L3MBTL4: variants seen among roughly 807,000 people sequenced by gnomAD.
The protein encoded by L3MBTL4 is lethal(3)malignant brain tumor-like protein 4.
Under a neutral mutation model 84.5 loss-of-function variants are expected in L3MBTL4, and 70 were observed. The ratio of observed to expected loss-of-function variants is 0.83; its 90% confidence interval spans 0.68 to 1.01. The LOEUF is 1.01. Among genes scored for constraint, L3MBTL4 ranks in the 50% least tolerant of loss-of-function variants. L3MBTL4 has a pLI of 0.00. For missense variants in L3MBTL4, 715 were observed against 754.8 expected (o/e 0.95, Z 0.62); for synonymous variants, 274 against 259.8 (o/e 1.05, Z -0.52).
rs2046805172 is a variant in L3MBTL4 at position 6,226,858 on chromosome 18, C to T, written c.785-11023G>A. Among the ~76,000 whole-genome samples the T allele has an allele frequency of 4.0e-5, 6 of 151,520 alleles. No individual in the cohort carries two copies. In the South Asian group the frequency reaches 1.2e-3, roughly 32 times the overall value. Reference sequence around the variant, plus strand: ...CCAAAACCATAATGGATAAATAGAACACTAACACCAAGATGAGGGATTTAA... The same window carrying T: ...CCAAAACCATAATGGATAAATAGAATACTAACACCAAGATGAGGGATTTAA... On this transcript the variant is annotated intron_variant, in intron 10 of 18. Transcript: ENST00000317931.
intron 1 of L3MBTL4, among the ~76,000 whole-genome samples, chr18:6,336,987 A>T (rs2052370108): frequency 6.6e-6 from 1 of 152,244 alleles, no homozygotes. Flanking sequence ...CCAAATGGAA[A>T]TTCTAGAACT....
In L3MBTL4 at chr18:6,123,590, T is replaced by C. The variant is rs1017046843; in HGVS notation, c.1199+14604A>G. The stretch of plus-strand genomic sequence containing the variant: ...TGAGGCCTCCCCAGCCATGTGAAAC[T>C]GTGAGTCCATTAAACCTCCTTTTCT... On this transcript the variant is annotated intron_variant, in intron 14 of 18. Coordinates refer to ENST00000317931, the MANE Select transcript of L3MBTL4 (RefSeq NM_001330559.2). Among the ~76,000 whole-genome samples the C allele has an allele frequency of 3.9e-5, 6 of 152,338 alleles. No homozygotes were observed. In the South Asian group the frequency reaches 1.2e-3, roughly 32 times the overall value.
At chr18:6,208,584 C>T (rs992012248) in intron 12 of L3MBTL4, among the ~76,000 whole-genome samples, 1 of 152,174 alleles carries the variant, frequency 6.6e-6, no homozygotes. Flanking sequence ...GTTTTAAGTC[C>T]TTCCTTTATC....
chr18:6,187,397 T>G (rs1424568334), intron 12 of L3MBTL4, among the ~76,000 whole-genome samples: 1 of 152,148 alleles, frequency 6.6e-6, no homozygotes, highest in Non-Finnish European at 1.5e-5. Context: ...TAGATGAAAA[T>G]CTTGGCTCTA....
intron 16 of L3MBTL4, among the ~76,000 whole-genome samples, chr18:6,008,459 C>T (rs748273665): frequency 2.0e-5 from 3 of 152,178 alleles, no homozygotes; most frequent in Non-Finnish European, 2.9e-5. Context: ...GCTTCAACAC[C>T]ACCTGAGGAA....
At chr18:6,076,392 CAG>C (rs779308908) in intron 16 of L3MBTL4, among the ~76,000 whole-genome samples, 14 of 152,196 alleles carry the variant, frequency 9.2e-5, no homozygotes, top group Non-Finnish European at 1.9e-4. Context: ...ATTTTGCAAA[CAG>C]GGCAAAAGTA....
At chr18:6,130,631 T>C (rs1399476236) in intron 14 of L3MBTL4, among the ~76,000 whole-genome samples, 1 of 152,212 alleles carries the variant, frequency 6.6e-6, no homozygotes, top group Non-Finnish European at 1.5e-5. Context: ...ATTACCTGTG[T>C]ATGTTTTATG....
intron 13 of L3MBTL4, among the ~76,000 whole-genome samples, chr18:6,157,448 C>T (rs2043149782): frequency 1.3e-5 from 2 of 152,042 alleles, no homozygotes. Flanking sequence ...TTTCTAATTC[C>T]ACAGAGTTTC....
chr18:6,107,770 C>G (rs899137555), intron 14 of L3MBTL4, among the ~76,000 whole-genome samples: 3 of 152,224 alleles, frequency 2.0e-5, no homozygotes, highest in Admixed American at 6.5e-5. Context: ...TTTGGGGCAC[C>G]ACCAGCAGAT....
At chr18:6,230,216 C>A (rs538711757) in intron 10 of L3MBTL4, among the ~76,000 whole-genome samples, 2 of 151,954 alleles carry the variant, frequency 1.3e-5, no homozygotes, top group Non-Finnish European at 2.9e-5. Flanking sequence ...GGTAGATTTT[C>A]GATCTCTCTC....
intron 16 of L3MBTL4, among the ~76,000 whole-genome samples, chr18:5,976,604 G>A (rs2052945967): frequency 6.6e-6 from 1 of 152,186 alleles, no homozygotes; most frequent in Non-Finnish European, 1.5e-5. Context: ...CAGTCTAGAG[G>A]AGCGGAAGAG....
At chr18:6,087,866 C>T (rs2058309499) in intron 15 of L3MBTL4, among the ~76,000 whole-genome samples, 2 of 152,278 alleles carry the variant, frequency 1.3e-5, no homozygotes, top group South Asian at 4.1e-4. Flanking sequence ...TCTATATCTA[C>T]CTACATCTAT....
chr18:6,201,642 A>G (rs532292970), intron 12 of L3MBTL4, among the ~76,000 whole-genome samples: 1 of 152,320 alleles, frequency 6.6e-6, no homozygotes, highest in Admixed American at 6.5e-5. Flanking sequence ...CCAATGAAGT[A>G]AGGGATTACA....
intron 1 of L3MBTL4, among the ~76,000 whole-genome samples, chr18:6,398,265 AC>A (rs2055359261): frequency 6.6e-6 from 1 of 152,202 alleles, no homozygotes; most frequent in South Asian, 2.1e-4. Context: ...GGAGGCCTCT[AC>A]TTCAGATACT....
In L3MBTL4 at chr18:5,956,240, C is replaced by T. The variant is rs1201907056; in HGVS notation, c.1825G>A (p.Gly609Ser). The change falls in exon 19 of 19, where the codon GGC becomes AGC. Residue 609 changes from glycine (G) to serine (S), a missense_variant. Coordinates refer to ENST00000317931, the MANE Select transcript of L3MBTL4 (RefSeq NM_001330559.2). ...CCCATTCATCCCCTGACTTCTTGGCCTGAGGCAATATCTTCTTCAGGGAGT... is the reference window on the plus strand; with the variant it reads ...CCCATTCATCCCCTGACTTCTTGGCTTGAGGCAATATCTTCTTCAGGGAGT... ...QELPEEDIAS[G>S]QEVRG The T allele has an allele frequency of 3.1e-6, 5 of 1,613,596 alleles. No individual in the cohort carries two copies. The African/African-American group carries it at 5.3e-5, about 17-fold the overall frequency.
intron 4 of L3MBTL4, among the ~76,000 whole-genome samples, chr18:6,278,525 A>G (rs2146551133): frequency 6.6e-6 from 1 of 152,196 alleles, no homozygotes; most frequent in South Asian, 2.1e-4. Flanking sequence ...TCATATTTGT[A>G]TTTATATGTG....
chr18:6,223,718 T>C (rs948236360), intron 10 of L3MBTL4, among the ~76,000 whole-genome samples: 1 of 152,144 alleles, frequency 6.6e-6, no homozygotes, highest in Non-Finnish European at 1.5e-5. Flanking sequence ...GGCCAACCCA[T>C]GTGAGTAGAA....
chr18:6,038,529 C>G (rs953585015), intron 16 of L3MBTL4, among the ~76,000 whole-genome samples: 1 of 152,152 alleles, frequency 6.6e-6, no homozygotes, highest in Non-Finnish European at 1.5e-5. Context: ...GCTGGGATTA[C>G]AGGCATAAGC....
intron 16 of L3MBTL4, among the ~76,000 whole-genome samples, chr18:6,037,220 C>A (rs1044617531): frequency 5.3e-5 from 8 of 152,238 alleles, no homozygotes; most frequent in Admixed American, 1.3e-4. Context: ...GGAACGCATG[C>A]ATACCTGCCT....
Sources: gnomAD v4.1 joint callset for allele counts (sites outside exome capture counted in the v4.1 genomes callset) on GRCh38, gnomAD v4.1.1 for gene constraint, MANE v1.5 for transcripts, NCBI Gene and HGNC (gene_info 2026-07-23, HGNC 2026-07-21) for gene names.